The following MAST4 variants were observed in gnomAD, a reference collection of about 807,000 sequenced individuals.
MAST4 encodes the protein microtubule associated serine/threonine kinase family member 4, also known as microtubule-associated serine/threonine-protein kinase 4.
A neutral mutation model predicts 162.7 loss-of-function variants in MAST4; 89 were observed. The observed-to-expected ratio is 0.55, with a 90% CI of 0.46 to 0.65. The LOEUF is 0.65. Ranked by LOEUF, MAST4 falls within the 30% of genes least tolerant of loss-of-function variation. MAST4 has a pLI of 0.00. For synonymous variants in MAST4, 1,479 were observed against 1,361.1 expected (o/e 1.09, Z -1.91); for missense variants, 3,153 against 3,374.0 (o/e 0.93, Z 1.62).
intron 4 of MAST4, among the ~76,000 whole-genome samples, chr5:66,962,916 T>C (rs1404558202): frequency 6.6e-6 from 1 of 152,174 alleles, no homozygotes; most frequent in Non-Finnish European, 1.5e-5. Context: ...TAAATTGTTG[T>C]ACTGTATCTA....
Position 66,837,266 on chromosome 5 carries a change from C to T in MAST4, c.642+48472C>T, listed in dbSNP as rs955677311. ...TATGTATTGTAGTTAACGTTGAGAA[C>T]GTATTTTCTTTTTCTTCATCATTAT... On this transcript the variant is annotated intron_variant, in intron 3 of 28. Coordinates refer to ENST00000403625, the MANE Select transcript of MAST4 (RefSeq NM_001164664.2). Among the ~76,000 whole-genome samples, 13 of 152,098 alleles carry T rather than the reference C, an allele frequency of 8.5e-5. No individual in the cohort carries two copies. The South Asian group carries it at 1.0e-3, about 12-fold the overall frequency.
intron 9 of MAST4, 26 bp from the exon 10 acceptor site, chr5:67,104,340 T>TG (rs1286743295): frequency 3.3e-6 from 5 of 1,526,070 alleles, no homozygotes; most frequent in Non-Finnish European, 4.5e-6. Flanking sequence ...GTATTACATC[T>TG]GTGTATGTGT....
chr5:66,690,667 C>T (rs2149495095), intron 1 of MAST4, among the ~76,000 whole-genome samples: 1 of 152,288 alleles, frequency 6.6e-6, no homozygotes, highest in South Asian at 2.1e-4. Flanking sequence ...AAAACACCGT[C>T]ATTTAAAGAA....
intron 1 of MAST4, among the ~76,000 whole-genome samples, chr5:66,629,624 T>A (rs1744669813): frequency 1.3e-5 from 2 of 152,196 alleles, no homozygotes; most frequent in South Asian, 4.1e-4. Flanking sequence ...ATTCCGTTGG[T>A]ATAAATCAAA....
At chr5:66,771,475 T>C (rs26390) in intron 2 of MAST4, among the ~76,000 whole-genome samples, 31,123 of 152,110 alleles carry the variant, frequency 0.2, 3,950 homozygotes, top group East Asian at 0.45. Context: ...CATAAGCCAC[T>C]GTGCCTGGCC....
At chr5:66,993,920 A>ACCCCCCCCC (rs55759396) in intron 4 of MAST4, among the ~76,000 whole-genome samples, 29 of 57,682 alleles carry the variant, frequency 5.0e-4, no homozygotes, top group South Asian at 8.9e-4. Flanking sequence ...TGTGCAGAAG[A>ACCCCCCCCC]CCCCCCCCCC....
chr5:67,092,690 C>T (rs1764003043), intron 6 of MAST4, among the ~76,000 whole-genome samples: 1 of 152,176 alleles, frequency 6.6e-6, no homozygotes, highest in South Asian at 2.1e-4. Context: ...GTGAGTCTCT[C>T]CTAGTTCCCT....
At chr5:66,725,244 T>TTAC (rs1351710483) in intron 1 of MAST4, among the ~76,000 whole-genome samples, 2 of 152,216 alleles carry the variant, frequency 1.3e-5, no homozygotes, top group South Asian at 2.1e-4. Context: ...ATTGTAAGTA[T>TTAC]TGTTTACAAA....
At chr5:67,034,794 T>C (rs1201046867) in intron 4 of MAST4, among the ~76,000 whole-genome samples, 2 of 152,204 alleles carry the variant, frequency 1.3e-5, no homozygotes, top group Non-Finnish European at 2.9e-5. Context: ...AGATGACGTC[T>C]GTGGAATTCT....
intron 1 of MAST4, among the ~76,000 whole-genome samples, chr5:66,607,008 C>A (rs1742937238): frequency 6.6e-6 from 1 of 151,686 alleles, no homozygotes; most frequent in African/African-American, 2.4e-5. Flanking sequence ...TTCACACAAG[C>A]CTTTTTGAAA....
At chr5:66,992,603 A>T (rs1426574039) in intron 4 of MAST4, among the ~76,000 whole-genome samples, 5 of 152,224 alleles carry the variant, frequency 3.3e-5, no homozygotes, top group Non-Finnish European at 7.3e-5. Context: ...CTTACTTATC[A>T]ATCTCATCTA....
rs533720999 is a variant in MAST4, at chr5:66,623,720, C to T, written c.363+26702C>T. ...TAAGATTTGGAGCAAGGCAAGGATG[C>T]CATATGTCATCACTTCTCTTCGACA... On this transcript the variant is annotated intron_variant, in intron 1 of 28. Transcript: ENST00000403625. Among the ~76,000 whole-genome samples the T allele has an allele frequency of 7.9e-5, 12 of 152,266 alleles. No individual in the cohort carries two copies. In the South Asian group the frequency reaches 1.2e-3, roughly 16 times the overall value.
At chr5:66,721,656 A>G (rs1353992903) in intron 1 of MAST4, among the ~76,000 whole-genome samples, 2 of 149,280 alleles carry the variant, frequency 1.3e-5, no homozygotes, top group Admixed American at 6.8e-5. Context: ...ATAGCTCCCG[A>G]ATTTATATCA....
intron 3 of MAST4, among the ~76,000 whole-genome samples, chr5:66,827,533 C>T (rs1184657829): frequency 6.6e-6 from 1 of 152,056 alleles, no homozygotes; most frequent in Non-Finnish European, 1.5e-5. Context: ...TGAGAGCAAG[C>T]GTATTAGTGT....
At chr5:66,618,033 T>TGTGG (rs1743818679) in intron 1 of MAST4, among the ~76,000 whole-genome samples, 1 of 143,672 alleles carries the variant, frequency 7.0e-6, no homozygotes, top group Non-Finnish European at 1.5e-5. Context: ...CTGGGAGGAA[T>TGTGG]GGGGGGGGGG....
Position 67,122,622 on chromosome 5 carries a change from C to A in MAST4, c.1745+1520C>A, listed in dbSNP as rs1767719096. Among the ~76,000 whole-genome samples, 3 of 152,096 alleles carry A rather than the reference C, an allele frequency of 2.0e-5. No individual in the cohort carries two copies. The South Asian group carries it at 6.2e-4, about 32-fold the overall frequency. On this transcript the variant is annotated intron_variant, in intron 14 of 28. Coordinates refer to ENST00000403625, the MANE Select transcript of MAST4 (RefSeq NM_001164664.2). Reference sequence around the variant, plus strand: ...TTTCTTCATTAGGGAGAAGATTAAACTTTGATTTAATGGGTGTATGGGTTT... The same window carrying A: ...TTTCTTCATTAGGGAGAAGATTAAAATTTGATTTAATGGGTGTATGGGTTT...
chr5:66,803,116 G>A (rs1198885093), intron 3 of MAST4, among the ~76,000 whole-genome samples: 1 of 152,080 alleles, frequency 6.6e-6, no homozygotes, highest in African/African-American at 2.4e-5. Context: ...AGTAAAATAG[G>A]AATGGTTAAT....
chr5:66,956,472 C>T (rs1236750234), intron 4 of MAST4, among the ~76,000 whole-genome samples: 4 of 152,160 alleles, frequency 2.6e-5, no homozygotes, highest in African/African-American at 9.7e-5. Flanking sequence ...TTTACGACCG[C>T]AGTTCCCCCT....
At chr5:66,710,936 A>G (rs533432200) in intron 1 of MAST4, among the ~76,000 whole-genome samples, 2 of 152,354 alleles carry the variant, frequency 1.3e-5, no homozygotes, top group South Asian at 2.1e-4. Flanking sequence ...CAAAGTGAAT[A>G]TGCCCGTGTA....
Sources: allele counts gnomAD v4.1 joint callset (sites outside exome capture counted in the v4.1 genomes callset), GRCh38; gene constraint gnomAD v4.1.1; transcripts MANE v1.5; gene names NCBI Gene and HGNC (gene_info 2026-07-23, HGNC 2026-07-21).